Variants in DYNC2H1 observed in about 807,000 individuals in gnomAD.
DYNC2H1 encodes dynein cytoplasmic 2 heavy chain 1.
Under a neutral mutation model 570.0 loss-of-function variants are expected in DYNC2H1, and 410 were observed. The observed-to-expected ratio is 0.72, with a 90% CI of 0.66 to 0.78. The LOEUF (loss-of-function observed/expected upper bound fraction) is 0.78. Ranked by LOEUF, DYNC2H1 falls within the 30% of genes least tolerant of loss-of-function variation. The pLI is 0.00. For missense variants in DYNC2H1, 4,865 were observed against 5,046.4 expected (o/e 0.96, Z 1.09); for synonymous variants, 1,688 against 1,677.6 (o/e 1.01, Z -0.15).
rs1226901247 is a variant in DYNC2H1, at chr11:103,192,183, A to G, written c.7627A>G (p.Lys2543Glu). Residue 2543 changes from lysine (K) to glutamate (E), a missense_variant, in exon 47 of 89, where the codon AAG (lysine) becomes GAG (glutamate). Lys to Glu is a moderately conservative substitution (Grantham distance 56). Coordinates refer to ENST00000375735, the MANE Select transcript of DYNC2H1 (RefSeq NM_001377.3). ...RLFRDKIVGAKELHLFDIILT... is the reference protein window; with the variant it reads ...RLFRDKIVGAEELHLFDIILT... ...ATTTCGTGACAAAATTGTTGGTGCA[A>G]AGGAACTTCATTTATTTGACATCAT... is the stretch of plus-strand genomic sequence containing the variant. 1.9e-6 allele frequency: 3 copies of G among 1,586,658 alleles called. No individual in the cohort carries two copies. Among genetic ancestry groups the G allele is most frequent in the Admixed American group, 1.7e-5 (1 of 58,872 alleles).
At chr11:103,197,042 A>G (rs1368826995) in intron 47 of DYNC2H1, among the ~76,000 whole-genome samples, 1 of 152,118 alleles carries the variant, frequency 6.6e-6, no homozygotes, top group African/African-American at 2.4e-5. Context: ...AATGATGAAT[A>G]GACTTTCCTT....
In DYNC2H1 at chr11:103,299,750, C is replaced by A. The variant is rs1866971894; in HGVS notation, c.11096-3343C>A. ...AATCTTCTTACTTTTAGGTTCATGA[C>A]CTTAGTTACATTTGCAAAGTCCCTT... On this transcript the variant is annotated intron_variant, in intron 75 of 88. Coordinates refer to ENST00000375735, the MANE Select transcript of DYNC2H1 (RefSeq NM_001377.3). The surrounding 1 kb of genome is among the most constrained non-coding windows in gnomAD (Gnocchi z 4.5). 6.6e-6 allele frequency among the ~76,000 whole-genome samples: 1 copy of A among 152,042 alleles called. No individual in the cohort carries two copies. The highest frequency in any genetic ancestry group is 1.5e-5 in the Non-Finnish European group (1 of 67,988).
rs1281711684 is a variant in DYNC2H1 at position 103,241,682 on chromosome 11, A to G, written c.9820-2011A>G. On this transcript the variant is annotated intron_variant, in intron 63 of 88. Transcript: ENST00000375735. This position sits in a 1 kb window ranked among gnomAD's most constrained non-coding sequence, Gnocchi z 5.1. ...GTGCAGCACCATGGTAACACTTCAC[A>G]GGCTATTTACTAACCACATCATTGT... The G allele has an allele frequency of 4.4e-6, 3 of 683,286 alleles. No homozygotes were observed. The highest frequency in any genetic ancestry group is 7.4e-6 in the Non-Finnish European group (3 of 405,482). 42.3% of individuals were successfully genotyped at this position (683,286 alleles called of 1,614,324 possible). A position where few individuals can be genotyped will look rare whatever the true frequency, so the allele number is the denominator to read the frequency against.
intron 81 of DYNC2H1, among the ~76,000 whole-genome samples, chr11:103,322,157 A>G (rs1938241051): frequency 6.6e-6 from 1 of 152,108 alleles, no homozygotes; most frequent in African/African-American, 2.4e-5. Flanking sequence ...CTGCTCAGTG[A>G]TAGTGCTGTT....
chr11:103,224,310 G>A (rs1565409988), intron 59 of DYNC2H1, among the ~76,000 whole-genome samples: 2 of 151,878 alleles, frequency 1.3e-5, no homozygotes, highest in Admixed American at 6.6e-5. Context: ...TTACATGAAT[G>A]AAATCTTTAG....
chr11:103,180,406 AAGC>A lies in DYNC2H1; in HGVS notation c.6347+1176_6347+1178del, dbSNP rs375060711. On this transcript the variant is annotated intron_variant, in intron 39 of 88. Coordinates refer to ENST00000375735, the MANE Select transcript of DYNC2H1 (RefSeq NM_001377.3). ...TATACAAGTGGAATATAAGTGAACT[AAGC>A]AGTAAGTAGAATACTATTAATATTT... Among the ~76,000 whole-genome samples the A allele has an allele frequency of 1.0e-3, 157 of 151,864 alleles. 3 individuals are homozygous for A. The highest frequency in any genetic ancestry group is 3.6e-3 in the African/African-American group (150 of 41,546).
intron 83 of DYNC2H1, among the ~76,000 whole-genome samples, chr11:103,392,201 G>A (rs1019062494): frequency 2.0e-5 from 3 of 152,166 alleles, no homozygotes; most frequent in Non-Finnish European, 4.4e-5. Flanking sequence ...GGGCAATGGC[G>A]GGCGCCCCTC....
intron 60 of DYNC2H1, among the ~76,000 whole-genome samples, chr11:103,233,505 ATTTTATTTGTATT>A (rs1864093314): frequency 6.6e-6 from 1 of 151,902 alleles, no homozygotes; most frequent in South Asian, 2.1e-4. Context: ...GAATTTTGAA[ATTTTATTTGTATT>A]TTTAGTGGTA....
Position 103,286,261 on chromosome 11 carries a change from C to T in DYNC2H1, c.10897C>T (p.Leu3633Phe). The change falls in exon 74 of 89, where the codon CTC becomes TTC. Residue 3633 changes from leucine (L) to phenylalanine (F), a missense_variant. Physicochemically the swap from Leu to Phe is conservative, Grantham distance 22 (BLOSUM62 0). Coordinates refer to ENST00000375735, the MANE Select transcript of DYNC2H1 (RefSeq NM_001377.3). ...SWAVATLKIA[L>F]PSLYQTLCFE... ...GGCCATTTTTATTTTTTAGATTGCT[C>T]TCCCCAGTCTTTATCAGACCCTCTG... is the stretch of plus-strand genomic sequence containing the variant. The T allele has an allele frequency of 6.2e-7, 1 of 1,612,888 alleles. No individual in the cohort carries two copies. The highest frequency in any genetic ancestry group is 8.5e-7 in the Non-Finnish European group (1 of 1,179,618).
rs988347593 is a variant in DYNC2H1 at position 103,205,480 on chromosome 11, G to T, written c.8454+516G>T. 6.6e-6 allele frequency among the ~76,000 whole-genome samples: 1 copy of T among 152,148 alleles called. No individual in the cohort carries two copies. Among genetic ancestry groups the T allele is most frequent in the African/African-American group, 2.4e-5 (1 of 41,440 alleles). On this transcript the variant is annotated intron_variant, in intron 52 of 88. Coordinates refer to ENST00000375735, the MANE Select transcript of DYNC2H1 (RefSeq NM_001377.3). This position sits in a 1 kb window ranked among gnomAD's most constrained non-coding sequence, Gnocchi z 4.5. ...ATTTCTTTATTTTTCTATAAGAGAA[G>T]TATAGTTTAATGCCTGCCATGATTC...
intron 7 of DYNC2H1, 26 bp from the exon 8 acceptor site, chr11:103,120,663 T>G: frequency 6.2e-7 from 1 of 1,608,348 alleles, no homozygotes; most frequent in Non-Finnish European, 8.5e-7. Flanking sequence ...AATACTAAAG[T>G]CTAACAATGT....
At chr11:103,394,469 A>G (rs1565559000) in intron 83 of DYNC2H1, among the ~76,000 whole-genome samples, 1 of 152,110 alleles carries the variant, frequency 6.6e-6, no homozygotes, top group East Asian at 1.9e-4. Flanking sequence ...TTATGTGCAA[A>G]TACTACCCCA....
At chr11:103,285,501 C>A (rs1218338968) in intron 73 of DYNC2H1, among the ~76,000 whole-genome samples, 4 of 148,342 alleles carry the variant, frequency 2.7e-5, no homozygotes, top group Non-Finnish European at 4.4e-5. Context: ...CGGCTCACTG[C>A]AACTTCTGCC....
At chr11:103,416,255 A>C (rs757831164) in intron 84 of DYNC2H1, among the ~76,000 whole-genome samples, 2 of 152,218 alleles carry the variant, frequency 1.3e-5, no homozygotes, top group Non-Finnish European at 2.9e-5. Flanking sequence ...CCTATGTATC[A>C]AACCTGCACT....
chr11:103,247,707 G>C (rs17100194), intron 65 of DYNC2H1, among the ~76,000 whole-genome samples: 3,472 of 152,124 alleles, frequency 0.023, 115 homozygotes, highest in African/African-American at 0.078. Context: ...TGAGTCTCTG[G>C]ACAGGTATAT....
intron 88 of DYNC2H1, among the ~76,000 whole-genome samples, chr11:103,470,198 A>G (rs896888163): frequency 6.6e-6 from 1 of 152,220 alleles, no homozygotes; most frequent in Non-Finnish European, 1.5e-5. Context: ...ACTGGGTTGT[A>G]TGAAAAGCAA....
chr11:103,420,953 G>T (rs1014736312), intron 84 of DYNC2H1, among the ~76,000 whole-genome samples: 8 of 152,050 alleles, frequency 5.3e-5, no homozygotes, highest in African/African-American at 1.7e-4. Context: ...AAGAACTAAG[G>T]CCCATTGGTA....
In DYNC2H1 at chr11:103,244,170, A is replaced by C. The variant is rs1429263233; in HGVS notation, c.9918+379A>C. Among the ~76,000 whole-genome samples, 1 of 152,102 alleles carries C rather than the reference A, an allele frequency of 6.6e-6. No individual in the cohort carries two copies. Among genetic ancestry groups the C allele is most frequent in the Non-Finnish European group, 1.5e-5 (1 of 67,956 alleles). ...AATCGGAAAAGCCTTCTAGCCTTTT[A>C]GCATATTTACAGTTTCTCTGAATGC... On this transcript the variant is annotated intron_variant, in intron 64 of 88. Transcript: ENST00000375735. The surrounding 1 kb of genome is among the most constrained non-coding windows in gnomAD (Gnocchi z 4.3).
chr11:103,202,416 G>T (rs1862759067), intron 50 of DYNC2H1, among the ~76,000 whole-genome samples: 1 of 149,294 alleles, frequency 6.7e-6, no homozygotes, highest in African/African-American at 2.5e-5. Context: ...GTCAAATCTT[G>T]GCATTTTATT....
Sources: allele counts gnomAD v4.1 joint callset (sites outside exome capture counted in the v4.1 genomes callset), GRCh38; gene constraint gnomAD v4.1.1; non-coding constraint Gnocchi (gnomAD v3.1); transcripts MANE v1.5; gene names NCBI Gene and HGNC (gene_info 2026-07-23, HGNC 2026-07-21).